The following LNP1 variants were observed in gnomAD, a reference collection of about 807,000 sequenced individuals.
LNP1 encodes leukemia NUP98 fusion partner 1.
Under a neutral mutation model 14.5 loss-of-function variants are expected in LNP1, and 12 were observed. That is an observed-to-expected ratio of 0.83 (90% CI 0.53 to 1.34). The LOEUF is 1.34. LNP1 is among the 40% of genes most tolerant of loss of function. The probability of loss-of-function intolerance (pLI) is 0.00; values close to 1 mark genes in which losing one functional copy is unlikely to be tolerated. For synonymous variants in LNP1, 75 were observed against 71.4 expected, an observed-to-expected ratio of 1.05 and a Z score of -0.26; for missense variants, 198 against 210.9, an observed-to-expected ratio of 0.94 and a Z score of 0.38.
intron 1 of LNP1, among the ~76,000 whole-genome samples, chr3:100,406,524 GATTTTTATTTTTTT>G (rs1313183452): frequency 1.3e-5 from 2 of 151,822 alleles, no homozygotes; most frequent in East Asian, 1.9e-4. Flanking sequence ...TTGATTGCTT[GATTTTTATTTTTTT>G]ATTTTTATTT....
chr3:100,415,961 A>G (rs1041081691), intron 1 of LNP1, among the ~76,000 whole-genome samples: 1 of 152,216 alleles, frequency 6.6e-6, no homozygotes, highest in East Asian at 1.9e-4. Flanking sequence ...GCAACCCCAG[A>G]TGCTGTCGTT....
intron 2 of LNP1, among the ~76,000 whole-genome samples, chr3:100,450,140 C>G (rs1707425012): frequency 7.3e-6 from 1 of 137,704 alleles, no homozygotes; most frequent in African/African-American, 2.8e-5. Flanking sequence ...AGGCCTTGTT[C>G]CCCATATTTT....
chr3:100,417,592 C>T (rs553736755), intron 1 of LNP1, among the ~76,000 whole-genome samples: 70 of 151,600 alleles, frequency 4.6e-4, no homozygotes, highest in African/African-American at 1.5e-3. Flanking sequence ...TTGGTCAGGC[C>T]GGTCTTGAAC....
chr3:100,405,823 T>G (rs984153971), intron 1 of LNP1, among the ~76,000 whole-genome samples: 4 of 152,240 alleles, frequency 2.6e-5, no homozygotes, highest in African/African-American at 9.6e-5. Context: ...CACCTTGATA[T>G]CAATTTACTC....
At chr3:100,426,598 A>C (rs778516441) in intron 1 of LNP1, among the ~76,000 whole-genome samples, 1 of 152,234 alleles carries the variant, frequency 6.6e-6, no homozygotes, top group Non-Finnish European at 1.5e-5. Context: ...ACCTGATTAT[A>C]TAAGAACTTA....
chr3:100,412,807 G>C (rs1377855106), intron 1 of LNP1, among the ~76,000 whole-genome samples: 1 of 152,138 alleles, frequency 6.6e-6, no homozygotes, highest in African/African-American at 2.4e-5. Context: ...TCAATTCTGA[G>C]TCCCTGAAGG....
intron 3 of LNP1, among the ~76,000 whole-genome samples, chr3:100,452,713 A>G (rs942445259): frequency 6.6e-6 from 1 of 152,226 alleles, no homozygotes; most frequent in African/African-American, 2.4e-5. Flanking sequence ...GTAAGTATCC[A>G]GGAATAGGAG....
chr3:100,428,795 C>T (rs775430015), intron 1 of LNP1, among the ~76,000 whole-genome samples: 5 of 152,296 alleles, frequency 3.3e-5, no homozygotes, highest in East Asian at 1.9e-4. Flanking sequence ...CTACACACAG[C>T]GTCAACTATT....
intron 1 of LNP1, among the ~76,000 whole-genome samples, chr3:100,411,337 C>A (rs2148899223): frequency 6.6e-6 from 1 of 152,338 alleles, no homozygotes; most frequent in African/African-American, 2.4e-5. Flanking sequence ...AGTTCTCTCC[C>A]ATACCTGATT....
intron 2 of LNP1, among the ~76,000 whole-genome samples, chr3:100,430,772 T>G (rs1559843654): frequency 1.3e-5 from 2 of 152,222 alleles, no homozygotes; most frequent in Non-Finnish European, 1.5e-5. Flanking sequence ...ATAATGTCTA[T>G]AAGACATATG....
intron 1 of LNP1, among the ~76,000 whole-genome samples, chr3:100,414,218 G>A (rs1707058334): frequency 6.6e-6 from 1 of 152,094 alleles, no homozygotes; most frequent in Admixed American, 6.6e-5. Flanking sequence ...CTGCTGAATG[G>A]GTTGGTCTGA....
At chr3:100,449,242 C>A (rs1158498364) in intron 2 of LNP1, among the ~76,000 whole-genome samples, 2 of 139,120 alleles carry the variant, frequency 1.4e-5, no homozygotes, top group African/African-American at 2.5e-5. Flanking sequence ...TCATAGTGCA[C>A]TTAAACTTTT....
chr3:100,448,041 T>A (rs954251899), intron 2 of LNP1, among the ~76,000 whole-genome samples: 5 of 152,198 alleles, frequency 3.3e-5, no homozygotes, highest in African/African-American at 1.2e-4. Context: ...GATGAGTTTG[T>A]CTACAAGTAT....
At chr3:100,426,010 G>T (rs530261213) in intron 1 of LNP1, among the ~76,000 whole-genome samples, 6 of 152,174 alleles carry the variant, frequency 3.9e-5, no homozygotes, top group Non-Finnish European at 5.9e-5. Context: ...ATAGCAGTGA[G>T]CTATCCCATA....
Position 100,456,172 on chromosome 3 carries a change from G to A in LNP1, c.*246G>A. 5.5e-6 allele frequency: 2 copies of A among 360,478 alleles called. No individual in the cohort carries two copies. The highest frequency in any genetic ancestry group is 7.5e-4 in the Middle Eastern group (1 of 1,328). The allele number at this position is 360,478 out of a possible 1,614,324, so 22.3% of individuals were successfully genotyped here. The stretch of plus-strand genomic sequence containing the variant: ...TAATCTGCTTGGTTGCCTTTTTATG[G>A]GAATAAAGAGAATAAAAGGTATTTT... On this transcript the variant is annotated 3_prime_UTR_variant, in exon 4 of 4. Transcript: ENST00000383693.
At chr3:100,433,000 T>C (rs1707256678) in intron 2 of LNP1, among the ~76,000 whole-genome samples, 1 of 152,188 alleles carries the variant, frequency 6.6e-6, no homozygotes, top group South Asian at 2.1e-4. Context: ...GCCCACATGA[T>C]ATACTTTGAA....
chr3:100,428,097 G>A (rs1284708351), intron 1 of LNP1, among the ~76,000 whole-genome samples: 1 of 152,144 alleles, frequency 6.6e-6, no homozygotes, highest in Admixed American at 6.5e-5. Flanking sequence ...CCTGGACTTT[G>A]TTTTTCTATT....
At chr3:100,427,476 T>C (rs1171446198) in intron 1 of LNP1, among the ~76,000 whole-genome samples, 1 of 152,228 alleles carries the variant, frequency 6.6e-6, no homozygotes, top group Non-Finnish European at 1.5e-5. Context: ...TCTCAGCAGC[T>C]GATTCATACT....
chr3:100,448,472 G>A (rs898880987), intron 2 of LNP1, among the ~76,000 whole-genome samples: 3 of 152,104 alleles, frequency 2.0e-5, no homozygotes, highest in South Asian at 4.2e-4. Context: ...TTCTGTTTTT[G>A]GCTGGGTTTA....
Sources: gnomAD v4.1 joint callset for allele counts (sites outside exome capture counted in the v4.1 genomes callset) on GRCh38, gnomAD v4.1.1 for gene constraint, MANE v1.5 for transcripts, NCBI Gene and HGNC (gene_info 2026-07-23, HGNC 2026-07-21) for gene names.